CTSC: variants seen among roughly 807,000 people sequenced by gnomAD.
CTSC encodes the protein dipeptidyl peptidase 1.
CTSC carries 37 observed loss-of-function variants against 40.9 expected under a neutral mutation model. The observed-to-expected ratio is 0.91, with a 90% confidence interval of 0.70 to 1.19. The LOEUF (loss-of-function observed/expected upper bound fraction) is 1.19. CTSC is among the 50% of genes most tolerant of loss of function. The pLI is 0.00. For synonymous variants in CTSC, 232 were observed against 207.4 expected, an observed-to-expected ratio of 1.12 and a Z score of -1.02; for missense variants, 594 against 567.3, an observed-to-expected ratio of 1.05 and a Z score of -0.48.
intron 2 of CTSC, among the ~76,000 whole-genome samples, chr11:88,316,811 C>T (rs1937890968): frequency 6.6e-6 from 1 of 152,152 alleles, no homozygotes; most frequent in South Asian, 2.1e-4. Flanking sequence ...GCCAATATAT[C>T]ACAATGTCTG....
At chr11:88,335,720 C>T (rs1312734234) in intron 1 of CTSC, among the ~76,000 whole-genome samples, 2 of 152,070 alleles carry the variant, frequency 1.3e-5, no homozygotes, top group African/African-American at 4.8e-5. Context: ...TTACAGGCTT[C>T]CAGAAACGGA....
At chr11:88,336,471 G>A (rs919068500) in intron 1 of CTSC, among the ~76,000 whole-genome samples, 12 of 150,924 alleles carry the variant, frequency 8.0e-5, no homozygotes, top group Non-Finnish European at 1.5e-4. Context: ...CCCGGGAGGC[G>A]GAGGTTGCAG....
chr11:88,314,516 T>C (rs991715652), intron 2 of CTSC, among the ~76,000 whole-genome samples: 1 of 152,122 alleles, frequency 6.6e-6, no homozygotes, highest in Non-Finnish European at 1.5e-5. Context: ...GCTTTTATCT[T>C]TGGTGATATT....
intron 2 of CTSC, among the ~76,000 whole-genome samples, chr11:88,332,032 A>G (rs1441929335): frequency 6.6e-6 from 1 of 152,224 alleles, no homozygotes; most frequent in African/African-American, 2.4e-5. Flanking sequence ...ATCTACTTCA[A>G]GCATATCTGA....
At position 88,323,036 on chromosome 11, in the gene CTSC, A is replaced by C. The variant is rs754196589; in HGVS notation, c.319-10482T>G. ...AAAAATCTCAATGAAATACTGATAA[A>C]CCAAATCCAGCAGCACATCCAAAAG... On this transcript the variant is annotated intron_variant, in intron 2 of 6. Transcript: ENST00000227266. 11 of 152,164 alleles carry C rather than the reference A, an allele frequency of 7.2e-5. 1 individual carries two copies. The highest frequency in any genetic ancestry group is 1.5e-4 in the Non-Finnish European group (10 of 68,034). The allele number at this position is 152,164 out of a possible 1,614,324, so 9.4% of individuals were successfully genotyped here. A position where few individuals can be genotyped will look rare whatever the true frequency, so the allele number is the denominator to read the frequency against.
At chr11:88,328,138 T>A in intron 2 of CTSC, 4 of 1,613,520 alleles carry the variant, frequency 2.5e-6, no homozygotes, top group Non-Finnish European at 3.4e-6. Context: ...ATGTGGCAAA[T>A]CATATATCCC....
At chr11:88,319,023 T>C (rs746399580) in intron 2 of CTSC, among the ~76,000 whole-genome samples, 6 of 152,238 alleles carry the variant, frequency 3.9e-5, no homozygotes, top group Non-Finnish European at 5.9e-5. Flanking sequence ...TCATCTGTTA[T>C]GTACAGTGTG....
intron 3 of CTSC, among the ~76,000 whole-genome samples, chr11:88,310,180 CTT>C (rs11337017): frequency 0.017 from 2,445 of 142,142 alleles, 22 homozygotes; most frequent in South Asian, 0.043. Flanking sequence ...TCAGAATCTC[CTT>C]TTTTTTTTTT....
intron 2 of CTSC, chr11:88,324,491 C>G (rs2134806009): frequency 1.0e-6 from 1 of 982,776 alleles, no homozygotes; most frequent in East Asian, 1.1e-4. Context: ...ATTTGTCTTT[C>G]TAGAATCCTA....
rs550026538 is a variant in CTSC at position 88,296,248 on chromosome 11, G to C, written c.774C>G (p.Cys258Trp). 6.2e-7 allele frequency: 1 copy of C among 1,613,932 alleles called. No homozygotes were observed. The highest frequency in any genetic ancestry group is 2.2e-5 in the East Asian group (1 of 44,878). ...GCATACCCATAGAAGCAAATGAGTAGCAGCTGCCACAGGATGCTGGCGATG... is the reference window on the plus strand; with the variant it reads ...GCATACCCATAGAAGCAAATGAGTACCAGCTGCCACAGGATGCTGGCGATG... ...PVRNQASCGS[C>W]YSFASMGMLE... Residue 258 changes from cysteine to tryptophan, a missense_variant, in exon 6 of 7, where the codon TGC (cysteine) becomes TGG (tryptophan). By Grantham distance (215) the Cys-to-Trp change is radical (BLOSUM62 -2). Coordinates refer to ENST00000227266, the MANE Select transcript of CTSC (RefSeq NM_001814.6).
chr11:88,312,489 A>C lies in CTSC; in HGVS notation c.384T>G (p.Asp128Glu). 6.2e-7 allele frequency: 1 copy of C among 1,614,162 alleles called. No individual in the cohort carries two copies. The highest frequency in any genetic ancestry group is 1.1e-5 in the South Asian group (1 of 91,084). The change falls in exon 3 of 7, where the codon GAT becomes GAG. Residue 128 changes from aspartate to glutamate, a missense_variant. Coordinates refer to ENST00000227266, the MANE Select transcript of CTSC (RefSeq NM_001814.6). Reference sequence around the variant, plus strand: ...AACAAGCCCAGTTCCGGCCCAACACATCATGCACCCACCCAGTCATTGTCT... The same window carrying C: ...AACAAGCCCAGTTCCGGCCCAACACCTCATGCACCCACCCAGTCATTGTCT... ...CNETMTGWVH[D>E]VLGRNWACFT...
At chr11:88,318,343 T>C (rs1197452272) in intron 2 of CTSC, among the ~76,000 whole-genome samples, 2 of 152,210 alleles carry the variant, frequency 1.3e-5, no homozygotes, top group South Asian at 2.1e-4. Flanking sequence ...ATGATATCTA[T>C]AATTGATACT....
At chr11:88,308,073 G>C (rs903038025) in intron 4 of CTSC, among the ~76,000 whole-genome samples, 6 of 152,192 alleles carry the variant, frequency 3.9e-5, no homozygotes, top group Non-Finnish European at 8.8e-5. Flanking sequence ...AGAGATGGCA[G>C]GCATGAAACC....
At chr11:88,321,370 T>C (rs1938008938) in intron 2 of CTSC, 1 of 152,182 alleles carries the variant, frequency 6.6e-6, no homozygotes, top group African/African-American at 2.4e-5. Flanking sequence ...AATGGAACAC[T>C]AGGCATAAAT....
intron 5 of CTSC, chr11:88,299,809 T>C (rs1216153857): frequency 2.0e-5 from 3 of 152,256 alleles, no homozygotes; most frequent in African/African-American, 4.8e-5. Context: ...GAGTATTGCA[T>C]AGATTCTCCA....
chr11:88,329,489 T>C (rs567534941), intron 2 of CTSC, among the ~76,000 whole-genome samples: 187 of 136,380 alleles, frequency 1.4e-3, no homozygotes, highest in African/African-American at 5.0e-3. Context: ...AAAAAGCCTA[T>C]TCAACAGGAG....
At chr11:88,295,102 T>G (rs1471035441) in intron 6 of CTSC, among the ~76,000 whole-genome samples, 1 of 152,208 alleles carries the variant, frequency 6.6e-6, no homozygotes, top group Non-Finnish European at 1.5e-5. Flanking sequence ...TCTCTATCTC[T>G]TACTTAACTG....
At chr11:88,315,113 G>A (rs1373008481) in intron 2 of CTSC, among the ~76,000 whole-genome samples, 2 of 152,148 alleles carry the variant, frequency 1.3e-5, no homozygotes, top group Non-Finnish European at 2.9e-5. Context: ...ACTCCATAAA[G>A]TTGTATTATG....
At chr11:88,304,535 G>A (rs1199153902) in intron 4 of CTSC, among the ~76,000 whole-genome samples, 2 of 152,320 alleles carry the variant, frequency 1.3e-5, no homozygotes, top group South Asian at 4.1e-4. Flanking sequence ...TGTCAAAGGT[G>A]TTTGACCCAG....
Sources: allele counts gnomAD v4.1 joint callset (sites outside exome capture counted in the v4.1 genomes callset), GRCh38; gene constraint gnomAD v4.1.1; transcripts MANE v1.5; gene names NCBI Gene and HGNC (gene_info 2026-07-23, HGNC 2026-07-21).